Variants in FBLN7 observed in about 807,000 individuals in gnomAD.
FBLN7 encodes fibulin-7.
In FBLN7, 31 loss-of-function variants were observed where a neutral mutation model predicts 44.0. The ratio of observed to expected loss-of-function variants is 0.70; its 90% CI spans 0.53 to 0.95. The LOEUF is 0.95. FBLN7 is among the 40% of genes least tolerant of loss of function. The pLI, the probability that FBLN7 is intolerant of heterozygous loss-of-function variation, is 0.00. For missense variants in FBLN7, 573 were observed against 618.5 expected, an observed-to-expected ratio of 0.93 and a Z score of 0.78; for synonymous variants, 262 against 253.4, an observed-to-expected ratio of 1.03 and a Z score of -0.32.
At chr2:112,166,682 C>CG (rs1202538117) in intron 3 of FBLN7, among the ~76,000 whole-genome samples, 2 of 152,128 alleles carry the variant, frequency 1.3e-5, no homozygotes, top group Non-Finnish European at 2.9e-5. Context: ...TAACCCATGG[C>CG]GGGGGAGATG....
intron 1 of FBLN7, among the ~76,000 whole-genome samples, chr2:112,154,044 G>A (rs1226766911): frequency 6.6e-6 from 1 of 152,226 alleles, no homozygotes; most frequent in Non-Finnish European, 1.5e-5. Flanking sequence ...GGTGACATCT[G>A]TTGTTCCTTC....
chr2:112,146,043 G>A (rs1302870347), intron 1 of FBLN7, among the ~76,000 whole-genome samples: 2 of 152,152 alleles, frequency 1.3e-5, no homozygotes, highest in African/African-American at 2.4e-5. Flanking sequence ...CTACTGGGCC[G>A]GGCACTGTGG....
At chr2:112,147,588 C>T (rs1680952639) in intron 1 of FBLN7, among the ~76,000 whole-genome samples, 1 of 152,218 alleles carries the variant, frequency 6.6e-6, no homozygotes, top group South Asian at 2.1e-4. Context: ...CTCCCCCGGC[C>T]TCTCTGCATT....
At chr2:112,228,280 T>A in the FBLN7 span, among the ~76,000 whole-genome samples, 2 of 152,118 alleles carry the variant, frequency 1.3e-5, no homozygotes, top group South Asian at 2.1e-4. Flanking sequence ...GGTGGGCAGA[T>A]CACCTGAGGT....
At chr2:112,155,781 C>G (rs966198213) in intron 1 of FBLN7, among the ~76,000 whole-genome samples, 2 of 152,206 alleles carry the variant, frequency 1.3e-5, no homozygotes, top group South Asian at 4.1e-4. Context: ...GCCAGCAGCA[C>G]TGGGGTTAGA....
intron 3 of FBLN7, among the ~76,000 whole-genome samples, chr2:112,169,891 TCTAG>T (rs1439615799): frequency 6.6e-6 from 1 of 152,060 alleles, no homozygotes; most frequent in Non-Finnish European, 1.5e-5. Flanking sequence ...AGGAATGGGA[TCTAG>T]CCAGGCAAAG....
chr2:112,191,064 A>T (rs540393298), downstream of FBLN7, among the ~76,000 whole-genome samples: 7 of 152,272 alleles, frequency 4.6e-5, 1 homozygote, highest in Admixed American at 4.6e-4. Context: ...TGCAACCTCA[A>T]ATTCCTGGGC....
chr2:112,241,009 TTGTGTG>T, the FBLN7 span, among the ~76,000 whole-genome samples: 5 of 145,562 alleles, frequency 3.4e-5, no homozygotes, highest in Admixed American at 6.9e-5. Flanking sequence ...GTGTTGTGTT[TTGTGTG>T]TGTGTGTGTG....
At chr2:112,184,976 C>T (rs1224505561) in intron 6 of FBLN7, among the ~76,000 whole-genome samples, 17 of 151,858 alleles carry the variant, frequency 1.1e-4, no homozygotes. Context: ...TGCCACCTGT[C>T]ATACCCCAGG....
At chr2:112,160,798 ACGCACGCACACACACGCACACACAAG>A (rs1558880486) in intron 2 of FBLN7, among the ~76,000 whole-genome samples, 7 of 127,460 alleles carry the variant, frequency 5.5e-5, no homozygotes, top group Non-Finnish European at 1.2e-4. Flanking sequence ...ACACGCACAC[ACGCACGCACACACACGCACACACAAG>A]CACGCATACA....
chr2:112,160,782 GCACGCACACGCACA>G (rs1448427358), intron 2 of FBLN7, among the ~76,000 whole-genome samples: 4 of 131,394 alleles, frequency 3.0e-5, no homozygotes, highest in African/African-American at 8.9e-5. Flanking sequence ...AGACGCACAC[GCACGCACACGCACA>G]CACGCACGCA....
At chr2:112,148,964 G>A (rs1681013223) in intron 1 of FBLN7, among the ~76,000 whole-genome samples, 2 of 152,192 alleles carry the variant, frequency 1.3e-5, no homozygotes, top group South Asian at 4.1e-4. Context: ...CCTTGCATAT[G>A]GCGTTGGCAC....
the FBLN7 span, among the ~76,000 whole-genome samples, chr2:112,204,760 A>G: frequency 6.6e-6 from 1 of 152,192 alleles, no homozygotes; most frequent in African/African-American, 2.4e-5. Context: ...AAAAATGGAG[A>G]AAATGTATTG....
the FBLN7 span, among the ~76,000 whole-genome samples, chr2:112,241,013 G>A: frequency 1.3e-5 from 2 of 151,020 alleles, no homozygotes; most frequent in Non-Finnish European, 3.0e-5. Context: ...TGTGTTTTGT[G>A]TGTGTGTGTG....
chr2:112,138,745 C>A lies in FBLN7; in HGVS notation c.75+15C>A. ...GGGCTTCCCAGGTCAGTGTCCCTCC[C>A]GCCTCTCTCCAGGCCAGTGTCCCTC... On this transcript the variant is annotated intron_variant, in intron 1 of 7. Transcript: ENST00000331203. 1 of 1,590,322 alleles carries A rather than the reference C, an allele frequency of 6.3e-7. No homozygotes were observed. Among genetic ancestry groups the A allele is most frequent in the South Asian group, 1.1e-5 (1 of 89,952 alleles).
At chr2:112,142,993 A>G (rs1680728287) in intron 1 of FBLN7, among the ~76,000 whole-genome samples, 1 of 152,076 alleles carries the variant, frequency 6.6e-6, no homozygotes, top group Non-Finnish European at 1.5e-5. Flanking sequence ...TATGTGTTAC[A>G]GGGGAGGGGA....
chr2:112,148,256 A>G (rs1253184797), intron 1 of FBLN7, among the ~76,000 whole-genome samples: 1 of 152,114 alleles, frequency 6.6e-6, no homozygotes, highest in Non-Finnish European at 1.5e-5. Context: ...GTCACTCTAG[A>G]GCTTGGCATG....
intron 4 of FBLN7, chr2:112,177,290 C>G (rs1179405425): frequency 6.6e-6 from 1 of 152,112 alleles, no homozygotes; most frequent in Admixed American, 6.5e-5. Context: ...ATAAAGTGTC[C>G]CCATGGCCAG....
At chr2:112,141,773 A>G (rs1680661781) in intron 1 of FBLN7, among the ~76,000 whole-genome samples, 1 of 152,182 alleles carries the variant, frequency 6.6e-6, no homozygotes, top group African/African-American at 2.4e-5. Context: ...CCATTGTGTG[A>G]CTTTTGCTGC....
Sources: allele counts gnomAD v4.1 joint callset (sites outside exome capture counted in the v4.1 genomes callset), GRCh38; gene constraint gnomAD v4.1.1; transcripts MANE v1.5; gene names NCBI Gene and HGNC (gene_info 2026-07-23, HGNC 2026-07-21).